SRPRA: variants seen among roughly 807,000 people sequenced by gnomAD.
SRPRA encodes SRP receptor subunit alpha.
A neutral mutation model predicts 61.1 loss-of-function variants in SRPRA; 30 were observed. That is an observed-to-expected ratio of 0.49 (90% CI 0.37 to 0.67). The LOEUF (loss-of-function observed/expected upper bound fraction) is 0.67. Ranked by LOEUF, SRPRA falls within the 30% of genes least tolerant of loss-of-function variation. The pLI, the probability that SRPRA is intolerant of heterozygous loss-of-function variation, is 0.00. For synonymous variants in SRPRA, 324 were observed against 299.7 expected (o/e 1.08, Z -0.84); for missense variants, 759 against 828.4 (o/e 0.92, Z 1.03).
chr11:126,262,417 G>T (rs902068562), downstream of SRPRA: 21 of 467,132 alleles, frequency 4.5e-5, no homozygotes, highest in East Asian at 7.3e-4. Flanking sequence ...TGTCCACACA[G>T]CACACCAATG....
At chr11:126,251,028 A>G in the SRPRA span, among the ~76,000 whole-genome samples, 1 of 152,222 alleles carries the variant, frequency 6.6e-6, no homozygotes, top group Admixed American at 6.5e-5. Context: ...ACTTGACAGT[A>G]TTCAGTGGTG....
rs1950779535 is a variant in SRPRA at position 126,265,080 on chromosome 11, G to A, written c.1404C>T (p.His468=). ...RAGAVEQLRT[H]TRRLSALHPP... is the part of the protein sequence containing the mutation. ...GGTGTAGGGCACTCAAACGCCGGGTGTGTGTACGCAGCTGCTCCACGGCCC... is the reference window on the plus strand; with the variant it reads ...GGTGTAGGGCACTCAAACGCCGGGTATGTGTACGCAGCTGCTCCACGGCCC... The change falls in exon 11 of 14, where the codon CAC becomes CAT. Residue 468 remains histidine (H), a synonymous_variant. Coordinates refer to ENST00000332118, the MANE Select transcript of SRPRA (RefSeq NM_003139.4). The surrounding 1 kb of genome is among the most constrained non-coding windows in gnomAD (Gnocchi z 6.3). 3 of 1,614,164 alleles carry A rather than the reference G, an allele frequency of 1.9e-6. No individual in the cohort carries two copies. Among genetic ancestry groups the A allele is most frequent in the Non-Finnish European group, 1.7e-6 (2 of 1,180,048 alleles).
At chr11:126,245,306 A>G in the SRPRA span, 1 of 151,916 alleles carries the variant, frequency 6.6e-6, no homozygotes, top group Non-Finnish European at 1.5e-5. Context: ...AAAACTTCAT[A>G]TGAAATTACA....
chr11:126,240,421 G>A, the SRPRA span, among the ~76,000 whole-genome samples: 1 of 151,920 alleles, frequency 6.6e-6, no homozygotes, highest in East Asian at 1.9e-4. Flanking sequence ...CAAATCAAAC[G>A]TCTTCTTTTG....
At chr11:126,239,981 G>A in the SRPRA span, among the ~76,000 whole-genome samples, 5 of 152,200 alleles carry the variant, frequency 3.3e-5, 1 homozygote, top group Admixed American at 3.3e-4. Context: ...TAGACAAAAA[G>A]GTTGGGGAGA....
In SRPRA at chr11:126,263,617, C is replaced by G; in HGVS notation, c.*299G>C. On this transcript the variant is annotated 3_prime_UTR_variant, in exon 14 of 14. Transcript: ENST00000332118. ...GCAAAGCTCTGGTGTTGGGTTCCAA[C>G]CATTGGTCAAAGCTGTAATAAGACT... 3.1e-6 allele frequency: 1 copy of G among 319,424 alleles called. No homozygotes were observed. The highest frequency in any genetic ancestry group is 5.9e-6 in the Non-Finnish European group (1 of 170,064). The allele number at this position is 319,424 out of a possible 1,614,324, so 19.8% of individuals were successfully genotyped here. A position where few individuals can be genotyped will look rare whatever the true frequency, so the allele number is the denominator to read the frequency against.
chr11:126,267,912 A>T lies in SRPRA; in HGVS notation c.201+91T>A, dbSNP rs914702410. On this transcript the variant is annotated intron_variant, in intron 2 of 13. Transcript: ENST00000332118. The surrounding 1 kb of genome is among the most constrained non-coding windows in gnomAD (Gnocchi z 4.2). The stretch of plus-strand genomic sequence containing the variant: ...CCTTTCTAGTTTTTTCAGTTACGTC[A>T]TCATATACACTGGCTGCAATTAATC... 7.0e-5 allele frequency: 102 copies of T among 1,467,392 alleles called. No individual in the cohort carries two copies. Among genetic ancestry groups the T allele is most frequent in the Non-Finnish European group, 8.7e-5 (92 of 1,053,024 alleles). 90.9% of individuals were successfully genotyped at this position (1,467,392 alleles called of 1,614,324 possible).
At chr11:126,241,184 T>A in the SRPRA span, 1 of 912,578 alleles carries the variant, frequency 1.1e-6, no homozygotes, top group Non-Finnish European at 1.6e-6. Context: ...CCATAACATT[T>A]GACTCTTCTG....
the SRPRA span, among the ~76,000 whole-genome samples, chr11:126,237,680 T>TAA: frequency 1.2e-5 from 1 of 85,908 alleles, no homozygotes; most frequent in Non-Finnish European, 2.2e-5. Context: ...CTGTCTCTAC[T>TAA]AAAAAAAAAA....
rs1950793373 is a variant in SRPRA at position 126,265,603 on chromosome 11, T to C, written c.1138+134A>G. ...ACAAGGACTAACTCACTGAATCCTC[T>C]CAATAACCCTTAAAATCTAGGTTAC... On this transcript the variant is annotated intron_variant, in intron 9 of 13. Coordinates refer to ENST00000332118, the MANE Select transcript of SRPRA (RefSeq NM_003139.4). The surrounding 1 kb of genome is among the most constrained non-coding windows in gnomAD (Gnocchi z 6.3). 3.2e-6 allele frequency: 4 copies of C among 1,231,432 alleles called. No homozygotes were observed. Among genetic ancestry groups the C allele is most frequent in the Admixed American group, 2.0e-5 (1 of 48,930 alleles). 76.3% of individuals were successfully genotyped at this position (1,231,432 alleles called of 1,614,324 possible). A position where few individuals can be genotyped will look rare whatever the true frequency, so the allele number is the denominator to read the frequency against.
downstream of SRPRA, among the ~76,000 whole-genome samples, chr11:126,259,013 A>T (rs527633971): frequency 3.9e-5 from 6 of 152,300 alleles, no homozygotes; most frequent in East Asian, 1.2e-3. Context: ...ACCCATCATT[A>T]AGGTGTTCTG....
At chr11:126,237,565 G>A in the SRPRA span, among the ~76,000 whole-genome samples, 4 of 142,238 alleles carry the variant, frequency 2.8e-5, no homozygotes, top group Non-Finnish European at 4.6e-5. Context: ...GGCCAGGCTC[G>A]GTGGCTCACG....
In SRPRA at chr11:126,267,271, T is replaced by G; in HGVS notation, c.430A>C (p.Lys144Gln). The change falls in exon 4 of 14, where the codon AAG (lysine) becomes CAG (glutamine). Residue 144 changes from lysine (K) to glutamine (Q), a missense_variant. By Grantham distance (53) the Lys-to-Gln change is moderately conservative (BLOSUM62 1). Around this residue, in one of 2 missense-constraint regions of SRPRA, gnomAD observed 475 missense variants for 462.5 expected, o/e 1.03. Coordinates refer to ENST00000332118, the MANE Select transcript of SRPRA (RefSeq NM_003139.4). This position sits in a 1 kb window ranked among gnomAD's most constrained non-coding sequence, Gnocchi z 4.2. ...ATGGACCTCACAGGTTTCTTGGCCT[T>G]TTCAGAATCTTCAAATTTCTTCATG... ...TTMKKFEDSE[K>Q]AKKPVRSMIE... 1 of 1,614,196 alleles carries G rather than the reference T, an allele frequency of 6.2e-7. No individual in the cohort carries two copies. The highest frequency in any genetic ancestry group is 2.2e-5 in the East Asian group (1 of 44,878).
Position 126,266,165 on chromosome 11 carries a change from C to G in SRPRA, c.932+22G>C, listed in dbSNP as rs549888351. The G allele has an allele frequency of 1.9e-6, 3 of 1,613,410 alleles. No individual in the cohort carries two copies. In the South Asian group the frequency reaches 3.3e-5, roughly 18 times the overall value. On this transcript the variant is annotated intron_variant, in intron 7 of 13. Transcript: ENST00000332118. ...CCAGTTTTGCAGATGCATATACCAA[C>G]CCCCACCTGAAATTCCCCTACCTAG...
At chr11:126,241,001 A>T in the SRPRA span, 1 of 1,613,524 alleles carries the variant, frequency 6.2e-7, no homozygotes, top group South Asian at 1.1e-5. Context: ...GAAGACAAGA[A>T]CCTGGTCCAT....
the SRPRA span, chr11:126,241,156 T>C: frequency 2.6e-6 from 3 of 1,155,228 alleles, no homozygotes; most frequent in Admixed American, 7.1e-5. Context: ...GGGATATTCA[T>C]TTACAGCTTG....
chr11:126,256,960 G>C, the SRPRA span: 1 of 1,165,954 alleles, frequency 8.6e-7, no homozygotes, highest in Non-Finnish European at 1.2e-6. This position sits in a 1 kb window ranked among gnomAD's most constrained non-coding sequence, Gnocchi z 6.6. Flanking sequence ...GGAATGTAAT[G>C]ACTGACCAAA....
In SRPRA at chr11:126,264,472, CAG is replaced by C; in HGVS notation, c.1591_1592del (p.Leu531AspfsTer14). 6.2e-7 allele frequency: 1 copy of C among 1,614,142 alleles called. No homozygotes were observed. Among genetic ancestry groups the C allele is most frequent in the Non-Finnish European group, 8.5e-7 (1 of 1,180,048 alleles). ...TAATGAGTTTGGCCAGGGCAGTCATCAGAGGGGCATTGTCTTGCATGCGGCCT... is the reference window on the plus strand; with the variant it reads ...TAATGAGTTTGGCCAGGGCAGTCATCAGGGGCATTGTCTTGCATGCGGCCT... ...TAGRMQDNAPLMTALAKLITV... is the reference protein window; with the variant it reads ...TAGRMQDNAPXMTALAKLITV... On this transcript the variant is annotated frameshift_variant, in exon 12 of 14. Coordinates refer to ENST00000332118, the MANE Select transcript of SRPRA (RefSeq NM_003139.4). LOFTEE classifies it high-confidence loss of function. The surrounding 1 kb of genome is among the most constrained non-coding windows in gnomAD (Gnocchi z 5.0).
rs970556389 is a variant in SRPRA, at chr11:126,267,074, T to A, written c.526+101A>T. On this transcript the variant is annotated intron_variant, in intron 4 of 13. Transcript: ENST00000332118. This position sits in a 1 kb window ranked among gnomAD's most constrained non-coding sequence, Gnocchi z 4.2. ...GATTATAGGATGGTGACCATTTGAG[T>A]GAGAAGCAGGTAAGCAATGACAAAA... 11 of 1,534,092 alleles carry A rather than the reference T, an allele frequency of 7.2e-6. No individual in the cohort carries two copies. Among genetic ancestry groups the A allele is most frequent in the Non-Finnish European group, 9.7e-6 (11 of 1,134,552 alleles).
Sources: gnomAD v4.1 joint callset for allele counts (sites outside exome capture counted in the v4.1 genomes callset) on GRCh38, gnomAD v4.1.1 for gene constraint, gnomAD v4.1.1 regional missense constraint, Gnocchi (gnomAD v3.1) non-coding constraint, MANE v1.5 for transcripts, NCBI Gene and HGNC (gene_info 2026-07-23, HGNC 2026-07-21) for gene names.